Variants in RIMS1 observed in about 807,000 individuals in gnomAD.
The protein encoded by RIMS1 is regulating synaptic membrane exocytosis 1, also known as regulating synaptic membrane exocytosis protein 1.
A neutral mutation model predicts 214.1 loss-of-function variants in RIMS1; 83 were observed. The ratio of observed to expected loss-of-function variants is 0.39; its 90% CI spans 0.32 to 0.47. The LOEUF (loss-of-function observed/expected upper bound fraction) is 0.47, where lower values mean the gene tolerates loss of function less well. Ranked by LOEUF, RIMS1 falls within the 20% of genes least tolerant of loss-of-function variation. The pLI, the probability that RIMS1 is intolerant of heterozygous loss-of-function variation, is 0.99. For synonymous variants in RIMS1, 793 were observed against 786.8 expected, an observed-to-expected ratio of 1.01 and a Z score of -0.13; for missense variants, 2,050 against 2,161.8, an observed-to-expected ratio of 0.95 and a Z score of 1.03.
intron 28 of RIMS1, among the ~76,000 whole-genome samples, chr6:72,327,328 A>C (rs1051242014): frequency 2.0e-5 from 3 of 151,776 alleles, no homozygotes; most frequent in Admixed American, 6.6e-5. Flanking sequence ...CATACCTATC[A>C]GTATGAGGTC....
At chr6:72,162,534 C>T (rs1437356963) in intron 4 of RIMS1, among the ~76,000 whole-genome samples, 1 of 140,696 alleles carries the variant, frequency 7.1e-6, no homozygotes, top group Non-Finnish European at 1.6e-5. Context: ...ACTGGTTGTT[C>T]CTTTCCGTGT....
At chr6:72,013,981 T>A (rs935513501) in intron 2 of RIMS1, among the ~76,000 whole-genome samples, 1 of 152,188 alleles carries the variant, frequency 6.6e-6, no homozygotes, top group Non-Finnish European at 1.5e-5. Flanking sequence ...AATCACACAA[T>A]ATATGGTCTT....
chr6:72,390,400 C>A (rs1211637487), intron 29 of RIMS1, among the ~76,000 whole-genome samples, 198 bp from the exon 30 acceptor site: 1 of 152,166 alleles, frequency 6.6e-6, no homozygotes, highest in Admixed American at 6.5e-5. Flanking sequence ...CATGGCATAG[C>A]ATCCAGTGGT....
intron 1 of RIMS1, among the ~76,000 whole-genome samples, chr6:71,946,202 G>C (rs1273345036): frequency 6.6e-6 from 1 of 152,158 alleles, no homozygotes; most frequent in Admixed American, 6.6e-5. Context: ...CTGTGTTCAT[G>C]GGTTGGAATG....
intron 1 of RIMS1, among the ~76,000 whole-genome samples, chr6:71,944,035 C>A (rs1787016872): frequency 6.6e-6 from 1 of 152,142 alleles, no homozygotes; most frequent in Non-Finnish European, 1.5e-5. Context: ...TTTCTTGAAA[C>A]ATATCATGCC....
At chr6:71,896,448 C>T (rs1368257164) in intron 1 of RIMS1, among the ~76,000 whole-genome samples, 1 of 152,092 alleles carries the variant, frequency 6.6e-6, no homozygotes, top group African/African-American at 2.4e-5. Flanking sequence ...CTTTAACAGT[C>T]ACTATTGGGT....
chr6:72,003,485 C>G (rs1390135208), intron 2 of RIMS1, among the ~76,000 whole-genome samples: 1 of 150,420 alleles, frequency 6.6e-6, no homozygotes, highest in Admixed American at 6.6e-5. Context: ...CTCACTATTC[C>G]TTTCTATTTT....
Position 72,262,390 on chromosome 6 carries a change from A to G in RIMS1, c.3116+1623A>G, listed in dbSNP as rs2078430550. 13 of 980,278 alleles carry G rather than the reference A, an allele frequency of 1.3e-5. No homozygotes were observed. The South Asian group carries it at 6.1e-4, about 46-fold the overall frequency. The allele number at this position is 980,278 out of a possible 1,614,324, so 60.7% of individuals were successfully genotyped here. A position where few individuals can be genotyped will look rare whatever the true frequency, so the allele number is the denominator to read the frequency against. Reference sequence around the variant, plus strand: ...ATATTTGTATGTATACAATTTAAAAATAAATGAGTATTCAGCGAGGCAGAT... The same window carrying G: ...ATATTTGTATGTATACAATTTAAAAGTAAATGAGTATTCAGCGAGGCAGAT... On this transcript the variant is annotated intron_variant, in intron 19 of 33. Coordinates refer to ENST00000521978, the MANE Select transcript of RIMS1 (RefSeq NM_014989.7).
At chr6:72,316,436 C>A (rs1449983800) in intron 28 of RIMS1, among the ~76,000 whole-genome samples, 2 of 152,142 alleles carry the variant, frequency 1.3e-5, no homozygotes, top group Non-Finnish European at 2.9e-5. Flanking sequence ...CTGGCCACAA[C>A]CACGCGTGGG....
chr6:72,142,893 T>C (rs537338621), intron 4 of RIMS1, among the ~76,000 whole-genome samples: 1 of 152,288 alleles, frequency 6.6e-6, no homozygotes, highest in Admixed American at 6.5e-5. Context: ...GTATATGAAG[T>C]ACATGGTTAA....
intron 29 of RIMS1, among the ~76,000 whole-genome samples, chr6:72,358,766 C>A (rs1448716153): frequency 6.6e-6 from 1 of 152,038 alleles, no homozygotes; most frequent in East Asian, 1.9e-4. Flanking sequence ...ACACCTTTTG[C>A]ATTGTTACAG....
chr6:72,360,542 A>G (rs2097780387), intron 29 of RIMS1, among the ~76,000 whole-genome samples: 1 of 152,058 alleles, frequency 6.6e-6, no homozygotes, highest in East Asian at 1.9e-4. Context: ...ACTTAAAAAG[A>G]AACTTAAATA....
At chr6:71,893,118 G>T (rs189251606) in intron 1 of RIMS1, among the ~76,000 whole-genome samples, 1 of 152,308 alleles carries the variant, frequency 6.6e-6, no homozygotes, top group East Asian at 1.9e-4. Context: ...AGAACACCAA[G>T]ATTATATTTT....
At chr6:72,353,447 T>G (rs1318982384) in intron 29 of RIMS1, among the ~76,000 whole-genome samples, 1 of 152,190 alleles carries the variant, frequency 6.6e-6, no homozygotes, top group African/African-American at 2.4e-5. Flanking sequence ...ATTCGTCAGT[T>G]TTAAAATTTC....
At chr6:72,344,865 G>T (rs1169535973) in intron 29 of RIMS1, among the ~76,000 whole-genome samples, 1 of 151,694 alleles carries the variant, frequency 6.6e-6, no homozygotes, top group East Asian at 1.9e-4. Context: ...GTTTGGCTAA[G>T]ATATAGATAT....
At chr6:71,933,506 T>G (rs550192522) in intron 1 of RIMS1, among the ~76,000 whole-genome samples, 1 of 152,272 alleles carries the variant, frequency 6.6e-6, no homozygotes, top group Non-Finnish European at 1.5e-5. Flanking sequence ...TATGCATCTA[T>G]GTATTTGACC....
chr6:72,338,520 G>A (rs2096927128), intron 29 of RIMS1, among the ~76,000 whole-genome samples: 1 of 152,030 alleles, frequency 6.6e-6, no homozygotes, highest in East Asian at 1.9e-4. Context: ...ACCACCATCA[G>A]AGTGAACAGG....
intron 24 of RIMS1, among the ~76,000 whole-genome samples, chr6:72,287,688 T>C (rs2092603795): frequency 6.6e-6 from 1 of 151,676 alleles, no homozygotes; most frequent in Non-Finnish European, 1.5e-5. Flanking sequence ...CTCTGCCTCC[T>C]GGGTTCAAGT....
chr6:72,043,787 G>C (rs954845006), intron 2 of RIMS1, among the ~76,000 whole-genome samples: 1 of 151,498 alleles, frequency 6.6e-6, no homozygotes, highest in African/African-American at 2.4e-5. Context: ...CTCTGAAGAA[G>C]CATGGAATCA....
Sources: allele counts gnomAD v4.1 joint callset (sites outside exome capture counted in the v4.1 genomes callset), GRCh38; gene constraint gnomAD v4.1.1; transcripts MANE v1.5; gene names NCBI Gene and HGNC (gene_info 2026-07-23, HGNC 2026-07-21).